Variants in HS6ST3 observed in about 807,000 individuals in gnomAD.
HS6ST3 encodes heparan-sulfate 6-O-sulfotransferase 3.
HS6ST3 carries 12 observed loss-of-function variants against 36.7 expected under a neutral mutation model. The ratio of observed to expected loss-of-function variants is 0.33; its 90% CI spans 0.21 to 0.53. The LOEUF is 0.53. HS6ST3 is among the 20% of genes least tolerant of loss of function. The pLI is 0.95. For missense variants in HS6ST3, 584 were observed against 640.9 expected, an observed-to-expected ratio of 0.91 and a Z score of 0.96; for synonymous variants, 240 against 257.5, an observed-to-expected ratio of 0.93 and a Z score of 0.65.
chr13:96,516,628 G>A (rs1016349454), intron 1 of HS6ST3, among the ~76,000 whole-genome samples: 28 of 151,764 alleles, frequency 1.8e-4, no homozygotes, highest in East Asian at 5.8e-4. Flanking sequence ...CTTTCTATGC[G>A]TAGCATAAAA....
At chr13:96,768,886 A>G (rs1379991660) in intron 1 of HS6ST3, among the ~76,000 whole-genome samples, 1 of 152,102 alleles carries the variant, frequency 6.6e-6, no homozygotes, top group East Asian at 1.9e-4. Flanking sequence ...AGGAGAAAAC[A>G]TCTCCTGCAC....
At chr13:96,179,750 A>G (rs943389530) in intron 1 of HS6ST3, among the ~76,000 whole-genome samples, 2 of 152,090 alleles carry the variant, frequency 1.3e-5, no homozygotes, top group Non-Finnish European at 2.9e-5. Flanking sequence ...TTAGATTAGG[A>G]ATAGCAATCA....
rs367951193 is a variant in HS6ST3 at position 96,329,160 on chromosome 13, G to A, written c.707+237591G>A. Among the ~76,000 whole-genome samples, 28 of 146,756 alleles carry A rather than the reference G, an allele frequency of 1.9e-4. No homozygotes were observed. The East Asian group carries it at 2.8e-3, about 15-fold the overall frequency. On this transcript the variant is annotated intron_variant, in intron 1 of 1. Coordinates refer to ENST00000376705, the MANE Select transcript of HS6ST3 (RefSeq NM_153456.4). Reference sequence around the variant, plus strand: ...CCCGGATTCATTAATTTTTTGAAGCGTTTTTTGTGTCTCTATTTCCTTCAG... The same window carrying A: ...CCCGGATTCATTAATTTTTTGAAGCATTTTTTGTGTCTCTATTTCCTTCAG...
At chr13:96,341,828 C>A (rs963698627) in intron 1 of HS6ST3, among the ~76,000 whole-genome samples, 1 of 152,132 alleles carries the variant, frequency 6.6e-6, no homozygotes, top group Non-Finnish European at 1.5e-5. Flanking sequence ...GTAGGACTCC[C>A]AAACTCCATG....
chr13:96,095,182 G>T (rs2053784294), intron 1 of HS6ST3, among the ~76,000 whole-genome samples: 1 of 152,168 alleles, frequency 6.6e-6, no homozygotes, highest in African/African-American at 2.4e-5. Context: ...TATATCTTGT[G>T]TTTACTATGG....
chr13:96,337,508 C>T (rs773476991), intron 1 of HS6ST3, among the ~76,000 whole-genome samples: 16 of 152,072 alleles, frequency 1.1e-4, no homozygotes, highest in Non-Finnish European at 2.2e-4. Context: ...TTCCAGTTTC[C>T]AGCATTGCTG....
chr13:96,125,785 TTA>T (rs2053947800), intron 1 of HS6ST3, among the ~76,000 whole-genome samples: 1 of 151,668 alleles, frequency 6.6e-6, no homozygotes, highest in African/African-American at 2.4e-5. Flanking sequence ...TTTTATTTTT[TTA>T]TTATTATTAT....
intron 1 of HS6ST3, among the ~76,000 whole-genome samples, chr13:96,521,584 G>T (rs892628409): frequency 2.0e-5 from 3 of 152,172 alleles, no homozygotes; most frequent in Non-Finnish European, 4.4e-5. Context: ...TGTTGGGAGG[G>T]TGTATGTGTC....
intron 1 of HS6ST3, among the ~76,000 whole-genome samples, chr13:96,428,006 G>A (rs536057719): frequency 1.3e-5 from 2 of 152,268 alleles, no homozygotes; most frequent in South Asian, 2.1e-4. Context: ...GGTACATGAT[G>A]TTGGTATCTG....
chr13:96,358,677 C>T (rs2055222009), intron 1 of HS6ST3, among the ~76,000 whole-genome samples: 1 of 151,834 alleles, frequency 6.6e-6, no homozygotes, highest in African/African-American at 2.4e-5. Context: ...TATTTGGGGG[C>T]TTTGGGAACA....
chr13:96,559,704 C>T (rs1373126674), intron 1 of HS6ST3, among the ~76,000 whole-genome samples: 5 of 152,008 alleles, frequency 3.3e-5, no homozygotes, highest in Non-Finnish European at 5.9e-5. Flanking sequence ...ATTTTAAACA[C>T]ATTACACTGC....
chr13:96,522,366 CT>C (rs1369058868), intron 1 of HS6ST3, among the ~76,000 whole-genome samples: 1 of 152,146 alleles, frequency 6.6e-6, no homozygotes, highest in Non-Finnish European at 1.5e-5. Context: ...TCTATTAGGT[CT>C]GCTTGGTCCA....
rs780792987 is a variant in HS6ST3, at chr13:96,832,661, C to T, written c.879C>T (p.Val293=). 1.1e-5 allele frequency: 17 copies of T among 1,614,074 alleles called. No individual in the cohort carries two copies. In the South Asian group the frequency reaches 1.8e-4, roughly 17 times the overall value. Residue 293 remains valine (V), a synonymous_variant, in exon 2 of 2, where the codon GTC becomes GTT. Transcript: ENST00000376705. ...TCYPGDDWSG[V]SLREFMDCTY... is the part of the protein sequence containing the mutation. ...ACCCTGGGGATGACTGGTCTGGGGTCAGCTTGCGGGAGTTTATGGATTGCA... is the reference window on the plus strand; with the variant it reads ...ACCCTGGGGATGACTGGTCTGGGGTTAGCTTGCGGGAGTTTATGGATTGCA...
At chr13:96,398,193 T>C (rs935392479) in intron 1 of HS6ST3, among the ~76,000 whole-genome samples, 1 of 152,218 alleles carries the variant, frequency 6.6e-6, no homozygotes, top group African/African-American at 2.4e-5. Flanking sequence ...TGCTTTCTAC[T>C]ATGTTTCTTG....
chr13:96,149,175 A>T (rs1335609058), intron 1 of HS6ST3, among the ~76,000 whole-genome samples: 1 of 152,170 alleles, frequency 6.6e-6, no homozygotes, highest in Non-Finnish European at 1.5e-5. Flanking sequence ...TTCACATTAG[A>T]ACGCCAATTA....
intron 1 of HS6ST3, among the ~76,000 whole-genome samples, chr13:96,777,210 T>C (rs1254382273): frequency 6.6e-6 from 1 of 152,150 alleles, no homozygotes; most frequent in East Asian, 1.9e-4. Flanking sequence ...TAAGGGCTAT[T>C]CATGACAAAG....
intron 1 of HS6ST3, among the ~76,000 whole-genome samples, chr13:96,398,233 A>G (rs754938102): frequency 2.0e-5 from 3 of 152,194 alleles, no homozygotes; most frequent in Non-Finnish European, 4.4e-5. Flanking sequence ...AAAGTTTCCA[A>G]TAGCATCCTG....
rs139618731 is a variant in HS6ST3, at chr13:96,774,124, A to C, written c.708-58366A>C. On this transcript the variant is annotated intron_variant, in intron 1 of 1. Transcript: ENST00000376705. The stretch of plus-strand genomic sequence containing the variant: ...AAGGAAAACTAACAAATAGAAAGGA[A>C]TAGCATCAACATCATTAAAAAGGAC... 2.7e-3 allele frequency among the ~76,000 whole-genome samples: 408 copies of C among 152,338 alleles called. 2 individuals are homozygous for C. Among genetic ancestry groups the C allele is most frequent in the African/African-American group, 8.9e-3 (371 of 41,568 alleles).
intron 1 of HS6ST3, among the ~76,000 whole-genome samples, chr13:96,326,945 T>A (rs2055035295): frequency 1.3e-5 from 2 of 150,546 alleles, no homozygotes; most frequent in Admixed American, 1.3e-4. Flanking sequence ...ATGAGCATTT[T>A]TTCATGTGTT....
Sources: gnomAD v4.1 joint callset for allele counts (sites outside exome capture counted in the v4.1 genomes callset) on GRCh38, gnomAD v4.1.1 for gene constraint, MANE v1.5 for transcripts, NCBI Gene and HGNC (gene_info 2026-07-23, HGNC 2026-07-21) for gene names.